The following ZNF644 variants were observed in gnomAD, a reference collection of about 807,000 sequenced individuals.
The protein encoded by ZNF644 is zinc finger protein 644.
ZNF644 carries 20 observed loss-of-function variants against 108.0 expected under a neutral mutation model. The ratio of observed to expected loss-of-function variants is 0.19; its 90% CI spans 0.13 to 0.27. The LOEUF is 0.27. Among genes scored for constraint, ZNF644 ranks in the 10% least tolerant of loss-of-function variants. ZNF644 has a pLI of 1.00. For synonymous variants in ZNF644, 542 were observed against 539.1 expected, an observed-to-expected ratio of 1.01 and a Z score of -0.08; for missense variants, 1,338 against 1,548.9, an observed-to-expected ratio of 0.86 and a Z score of 2.29.
rs775767339 is a variant in ZNF644 at position 90,915,539 on chromosome 1, G to T, written c.*1259C>A. 1 of 152,494 alleles carries T rather than the reference G, an allele frequency of 6.6e-6. No homozygotes were observed. The highest frequency in any genetic ancestry group is 6.5e-5 in the Admixed American group (1 of 15,282). The allele number at this position is 152,494 out of a possible 1,614,324, so 9.4% of individuals were successfully genotyped here. ...GCTTGCATACAAAAACTTGTTGTTT[G>T]TAAAGGAATCTGATTTCAGATTAAA... is the stretch of plus-strand genomic sequence containing the variant. On this transcript the variant is annotated 3_prime_UTR_variant, in exon 6 of 6. Coordinates refer to ENST00000337393, the MANE Select transcript of ZNF644 (RefSeq NM_201269.3).
intron 1 of ZNF644, 150 bp from the exon 2 acceptor site, chr1:90,982,520 C>A: frequency 1.7e-6 from 1 of 604,752 alleles, no homozygotes; most frequent in Non-Finnish European, 2.9e-6. Flanking sequence ...ACCAGAATAC[C>A]ATCATTTTAA....
intron 4 of ZNF644, among the ~76,000 whole-genome samples, chr1:90,919,947 C>G (rs182371971): frequency 1.3e-5 from 2 of 152,104 alleles, no homozygotes. Context: ...AAATCACTGA[C>G]CAGCCAGCTT....
intron 2 of ZNF644, among the ~76,000 whole-genome samples, chr1:90,970,412 A>G (rs879668864): frequency 2.0e-5 from 3 of 151,758 alleles, no homozygotes; most frequent in Admixed American, 6.6e-5. Flanking sequence ...AGATTGTGCA[A>G]CTCCTCCCCT....
At chr1:90,949,190 T>G (rs896595427) in intron 2 of ZNF644, among the ~76,000 whole-genome samples, 4 of 151,424 alleles carry the variant, frequency 2.6e-5, no homozygotes, top group Admixed American at 2.6e-4. Context: ...AATTCAAACT[T>G]ATATATTGAA....
chr1:90,978,266 C>T (rs551103092), intron 2 of ZNF644, among the ~76,000 whole-genome samples: 13 of 151,414 alleles, frequency 8.6e-5, no homozygotes, highest in African/African-American at 2.9e-4. Context: ...GCAGGAGAAA[C>T]GCATGAACTC....
At chr1:90,925,755 T>C (rs1649959895) in intron 4 of ZNF644, among the ~76,000 whole-genome samples, 1 of 152,148 alleles carries the variant, frequency 6.6e-6, no homozygotes, top group African/African-American at 2.4e-5. Context: ...ACAAGCATCA[T>C]AAAATTTAAG....
chr1:90,993,877 T>C (rs770415682), intron 1 of ZNF644, among the ~76,000 whole-genome samples: 4 of 152,230 alleles, frequency 2.6e-5, no homozygotes, highest in Non-Finnish European at 4.4e-5. Flanking sequence ...AAAACTGTTA[T>C]AGAGCAATCT....
intron 2 of ZNF644, among the ~76,000 whole-genome samples, chr1:90,975,395 C>T (rs1353234887): frequency 6.6e-6 from 1 of 151,470 alleles, no homozygotes; most frequent in Admixed American, 6.6e-5. Flanking sequence ...AGCCCACGGG[C>T]TTCAGCCTAG....
chr1:90,935,387 G>A, intron 4 of ZNF644: 1 of 985,858 alleles, frequency 1.0e-6, no homozygotes, highest in African/African-American at 1.7e-5. Flanking sequence ...CAGACTTGCT[G>A]TGATATCTGT....
chr1:90,984,200 T>A (rs1656857235), intron 1 of ZNF644, among the ~76,000 whole-genome samples: 1 of 152,146 alleles, frequency 6.6e-6, no homozygotes, highest in Admixed American at 6.5e-5. Context: ...TTTGTGGTAA[T>A]TTGTTAGAGC....
intron 1 of ZNF644, among the ~76,000 whole-genome samples, chr1:90,997,156 T>C (rs1439014413): frequency 2.0e-5 from 3 of 152,140 alleles, no homozygotes; most frequent in Non-Finnish European, 1.5e-5. Flanking sequence ...GAGCCACATG[T>C]ACAGAAAGGG....
intron 4 of ZNF644, among the ~76,000 whole-genome samples, chr1:90,929,051 C>A (rs917791371): frequency 6.6e-6 from 1 of 152,100 alleles, no homozygotes. Flanking sequence ...TGTATGGCTG[C>A]TGGTTTTGTT....
At chr1:90,935,369 G>C in intron 4 of ZNF644, 1 of 985,768 alleles carries the variant, frequency 1.0e-6, no homozygotes, top group Non-Finnish European at 1.2e-6. Flanking sequence ...AAAGTGTATT[G>C]TATCAAACAG....
At chr1:90,952,965 A>C (rs1653336944) in intron 2 of ZNF644, among the ~76,000 whole-genome samples, 1 of 150,268 alleles carries the variant, frequency 6.7e-6, no homozygotes, top group South Asian at 2.2e-4. Context: ...TCTTAAAAGC[A>C]GCCACAGAAA....
chr1:90,997,743 G>T (rs1462617909), intron 1 of ZNF644, among the ~76,000 whole-genome samples: 1 of 152,176 alleles, frequency 6.6e-6, no homozygotes, highest in Non-Finnish European at 1.5e-5. Context: ...GCAGGGCGAG[G>T]CATCGCCTCA....
intron 1 of ZNF644, among the ~76,000 whole-genome samples, chr1:90,984,353 A>G (rs1206445379): frequency 6.6e-6 from 1 of 152,138 alleles, no homozygotes; most frequent in African/African-American, 2.4e-5. Context: ...TACATAACAG[A>G]AATTTATATT....
Position 90,937,855 on chromosome 1 carries a change from A to G in ZNF644, c.3318T>C (p.Phe1106=), listed in dbSNP as rs747305573. The stretch of plus-strand genomic sequence containing the variant: ...CACTTGATGCAAGTTTTTGAGCTAC[A>G]AATGGTCTGGGAATAATACGACGAC... ...LNSRRIIPRP[F]VAQKLASSDD... is the part of the protein sequence containing the mutation. Residue 1106 remains phenylalanine (F), a synonymous_variant, in exon 4 of 6, where the codon TTT becomes TTC. Coordinates refer to ENST00000337393, the MANE Select transcript of ZNF644 (RefSeq NM_201269.3). 3.7e-6 allele frequency: 6 copies of G among 1,613,896 alleles called. No individual in the cohort carries two copies. The South Asian group carries it at 4.4e-5, about 12-fold the overall frequency.
At chr1:90,943,536 A>G (rs1347147496) in intron 2 of ZNF644, among the ~76,000 whole-genome samples, 1 of 152,212 alleles carries the variant, frequency 6.6e-6, no homozygotes, top group Non-Finnish European at 1.5e-5. Flanking sequence ...TATTCTTTCC[A>G]TAAAATGTTA....
At chr1:90,934,623 A>C (rs1375849839) in intron 4 of ZNF644, among the ~76,000 whole-genome samples, 1 of 152,248 alleles carries the variant, frequency 6.6e-6, no homozygotes, top group Non-Finnish European at 1.5e-5. Context: ...AGCAGTATTA[A>C]GAGGTATCTG....
Sources: gnomAD v4.1 joint callset for allele counts (sites outside exome capture counted in the v4.1 genomes callset) on GRCh38, gnomAD v4.1.1 for gene constraint, MANE v1.5 for transcripts, NCBI Gene and HGNC (gene_info 2026-07-23, HGNC 2026-07-21) for gene names.